The following ADK variants were observed in gnomAD, a reference collection of about 807,000 sequenced individuals.
ADK encodes adenosine kinase.
Under a neutral mutation model 44.7 loss-of-function variants are expected in ADK, and 24 were observed. The observed-to-expected ratio is 0.54, with a 90% confidence interval of 0.39 to 0.76. The LOEUF (loss-of-function observed/expected upper bound fraction) is 0.76, where lower values mean the gene tolerates loss of function less well. ADK is among the 30% of genes least tolerant of loss of function. The pLI is 0.00. For synonymous variants in ADK, 128 were observed against 142.6 expected (o/e 0.90, Z 0.73); for missense variants, 321 against 425.1 (o/e 0.76, Z 2.15).
Position 74,355,494 on chromosome 10 carries a change from TG to T in ADK, c.274-38644del, listed in dbSNP as rs779288111. On this transcript the variant is annotated intron_variant, in intron 4 of 10. Coordinates refer to ENST00000539909, the MANE Select transcript of ADK (RefSeq NM_006721.4). ...AACTTTATTTCGTTATAAGCCCTTT[TG>T]GGATAGTGGTTGTTCCACATAACTT... Among the ~76,000 whole-genome samples the T allele has an allele frequency of 3.9e-5, 6 of 152,318 alleles. No homozygotes were observed. In the South Asian group the frequency reaches 1.2e-3, roughly 32 times the overall value.
intron 9 of ADK, among the ~76,000 whole-genome samples, chr10:74,630,448 A>T (rs201750295): frequency 9.9e-6 from 1 of 100,738 alleles, no homozygotes; most frequent in Non-Finnish European, 2.0e-5. Context: ...CCTCCTTAAC[A>T]TTAACACTTT....
chr10:74,200,686 T>A, intron 1 of ADK, 78 bp from the exon 2 acceptor site: 1 of 939,758 alleles, frequency 1.1e-6, no homozygotes, highest in Non-Finnish European at 1.7e-6. Context: ...ATGAAGATAG[T>A]TATTTTTATT....
chr10:74,342,445 A>T (rs914903415), intron 4 of ADK, among the ~76,000 whole-genome samples: 1 of 152,128 alleles, frequency 6.6e-6, no homozygotes, highest in African/African-American at 2.4e-5. Context: ...TTCATTGCAG[A>T]TGGCTTAGAG....
intron 9 of ADK, among the ~76,000 whole-genome samples, chr10:74,608,702 T>G (rs1285712104): frequency 6.6e-6 from 1 of 152,116 alleles, no homozygotes; most frequent in Non-Finnish European, 1.5e-5. Flanking sequence ...TCAGGAGGCA[T>G]GGGGGTCAGG....
At chr10:74,369,292 G>A (rs1842587492) in intron 4 of ADK, among the ~76,000 whole-genome samples, 1 of 152,196 alleles carries the variant, frequency 6.6e-6, no homozygotes, top group Admixed American at 6.5e-5. Context: ...GGAGGTAGAG[G>A]CTGCAATGAG....
At chr10:74,283,671 GT>G (rs1847039271) in intron 3 of ADK, among the ~76,000 whole-genome samples, 2 of 115,206 alleles carry the variant, frequency 1.7e-5, no homozygotes, top group Non-Finnish European at 3.7e-5. Flanking sequence ...TTTCGCTCTT[GT>G]TTTCTTTCTT....
chr10:74,257,966 G>C (rs1053687942), intron 3 of ADK, among the ~76,000 whole-genome samples: 1 of 152,162 alleles, frequency 6.6e-6, no homozygotes, highest in Non-Finnish European at 1.5e-5. Flanking sequence ...CTGGGCTGTA[G>C]TTACCACCCA....
At chr10:74,423,264 G>A (rs938340691) in intron 6 of ADK, among the ~76,000 whole-genome samples, 1 of 152,198 alleles carries the variant, frequency 6.6e-6, no homozygotes, top group South Asian at 2.1e-4. Context: ...GATGCAGGTG[G>A]AATAACTCAC....
At chr10:74,590,139 G>A (rs1319495716) in intron 8 of ADK, among the ~76,000 whole-genome samples, 1 of 152,154 alleles carries the variant, frequency 6.6e-6, no homozygotes, top group East Asian at 1.9e-4. Flanking sequence ...CTAAGTTGGA[G>A]TTGTTTATGA....
chr10:74,392,385 G>A (rs1843365263), intron 4 of ADK, among the ~76,000 whole-genome samples: 1 of 151,952 alleles, frequency 6.6e-6, no homozygotes, highest in South Asian at 2.1e-4. Flanking sequence ...ATCTCATTGT[G>A]GTTTTGATTT....
chr10:74,708,201 C>A, intron 10 of ADK, 120 bp from the exon 11 acceptor site: 1 of 954,812 alleles, frequency 1.0e-6, no homozygotes, highest in Non-Finnish European at 1.6e-6. Context: ...ACAAGACTTT[C>A]TCTTACTGTC....
intron 7 of ADK, among the ~76,000 whole-genome samples, chr10:74,538,128 G>T (rs779156748): frequency 6.6e-6 from 1 of 151,944 alleles, no homozygotes; most frequent in East Asian, 1.9e-4. Context: ...GGTGGCACGC[G>T]CCTATAGTCC....
chr10:74,299,564 A>T (rs1040163979), intron 3 of ADK, among the ~76,000 whole-genome samples: 6 of 148,338 alleles, frequency 4.0e-5, no homozygotes, highest in Admixed American at 6.8e-5. Flanking sequence ...TATATCATAA[A>T]CTTTGTAGAT....
At chr10:74,463,632 G>A (rs1846248792) in intron 6 of ADK, among the ~76,000 whole-genome samples, 1 of 152,122 alleles carries the variant, frequency 6.6e-6, no homozygotes, top group Admixed American at 6.5e-5. Flanking sequence ...AACAGGCCAT[G>A]GATTTGTATC....
intron 9 of ADK, among the ~76,000 whole-genome samples, chr10:74,604,906 T>C (rs184496564): frequency 2.2e-3 from 333 of 152,338 alleles, no homozygotes; most frequent in Non-Finnish European, 2.9e-3. Context: ...TTTGTTTGTG[T>C]CCTCTCTTAT....
At chr10:74,467,373 G>A (rs1846397274) in intron 6 of ADK, among the ~76,000 whole-genome samples, 1 of 152,104 alleles carries the variant, frequency 6.6e-6, no homozygotes, top group African/African-American at 2.4e-5. Flanking sequence ...TCTCTATCCT[G>A]AGTTGATAGT....
Position 74,402,994 on chromosome 10 carries a change from G to A in ADK, c.555+4415G>A, listed in dbSNP as rs1222578716. On this transcript the variant is annotated intron_variant, in intron 6 of 10. Coordinates refer to ENST00000539909, the MANE Select transcript of ADK (RefSeq NM_006721.4). ...AGTCAGGATCCTCAGCTGCAGGTCT[G>A]TTGGAGTTTGCTGGAGGTCCACTCC... Among the ~76,000 whole-genome samples the A allele has an allele frequency of 3.9e-5, 6 of 152,164 alleles. No individual in the cohort carries two copies. In the South Asian group the frequency reaches 6.2e-4, roughly 16 times the overall value.
intron 1 of ADK, among the ~76,000 whole-genome samples, chr10:74,177,425 A>G (rs1245581860): frequency 6.6e-6 from 1 of 151,614 alleles, no homozygotes; most frequent in Non-Finnish European, 1.5e-5. Flanking sequence ...TTGTTTCTTT[A>G]CTCCTTTTAT....
At position 74,488,141 on chromosome 10, in the gene ADK, C is replaced by A. The variant is rs1427873811; in HGVS notation, c.556-37115C>A. Among the ~76,000 whole-genome samples the A allele has an allele frequency of 4.6e-5, 7 of 151,936 alleles. No individual in the cohort carries two copies. In the East Asian group the frequency reaches 1.2e-3, roughly 25 times the overall value. ...CTACAAGACAACGGCCTGGACTCTT[C>A]AAAAATGCCACTGTCATGAAAGACA... is the stretch of plus-strand genomic sequence containing the variant. On this transcript the variant is annotated intron_variant, in intron 6 of 10. Transcript: ENST00000539909.
Sources: allele counts gnomAD v4.1 joint callset (sites outside exome capture counted in the v4.1 genomes callset), GRCh38; gene constraint gnomAD v4.1.1; transcripts MANE v1.5; gene names NCBI Gene and HGNC (gene_info 2026-07-23, HGNC 2026-07-21).